STARD13: variants seen among roughly 807,000 people sequenced by gnomAD.
STARD13 encodes StAR related lipid transfer domain containing 13, also known as stAR-related lipid transfer protein 13.
Under a neutral mutation model 106.4 loss-of-function variants are expected in STARD13, and 62 were observed. The ratio of observed to expected loss-of-function variants is 0.58; its 90% CI spans 0.48 to 0.72. The LOEUF is 0.72. Ranked by LOEUF, STARD13 falls within the 30% of genes least tolerant of loss-of-function variation. The pLI, the probability that STARD13 is intolerant of heterozygous loss-of-function variation, is 0.00. For synonymous variants in STARD13, 565 were observed against 553.0 expected (o/e 1.02, Z -0.31); for missense variants, 1,387 against 1,424.0 (o/e 0.97, Z 0.42).
rs1015229332 is a variant in STARD13, at chr13:33,262,713, G to A, written c.169+22757C>T. On this transcript the variant is annotated intron_variant, in intron 1 of 13. Coordinates refer to ENST00000336934, the MANE Select transcript of STARD13 (RefSeq NM_178006.4). Reference sequence around the variant, plus strand: ...CACCCTGTACTCTAGTTTTTCAGTTGTTATTTACAAGTCTCGATCTGGGAG... The same window carrying A: ...CACCCTGTACTCTAGTTTTTCAGTTATTATTTACAAGTCTCGATCTGGGAG... 4.9e-5 allele frequency among the ~76,000 whole-genome samples: 7 copies of A among 142,030 alleles called. No homozygotes were observed. The Admixed American group carries it at 5.3e-4, about 11-fold the overall frequency. 93.2% of individuals were successfully genotyped at this position (142,030 alleles called of 152,430 possible).
the STARD13 span, among the ~76,000 whole-genome samples, chr13:33,430,847 T>G: frequency 6.6e-6 from 1 of 152,128 alleles, no homozygotes; most frequent in Non-Finnish European, 1.5e-5. Context: ...TTCTCACTCA[T>G]GTGGGAGCTA....
At chr13:33,586,818 G>C in the STARD13 span, among the ~76,000 whole-genome samples, 2 of 152,100 alleles carry the variant, frequency 1.3e-5, no homozygotes, top group Admixed American at 1.3e-4. Flanking sequence ...ATCCTAACTT[G>C]GGTGAACCTA....
the STARD13 span, among the ~76,000 whole-genome samples, chr13:33,590,870 A>AT: frequency 1.3e-5 from 2 of 152,172 alleles, no homozygotes; most frequent in Non-Finnish European, 2.9e-5. Flanking sequence ...CAAAAAAATA[A>AT]TTTAAGTTTT....
the STARD13 span, among the ~76,000 whole-genome samples, chr13:33,534,337 G>A: frequency 2.0e-5 from 3 of 152,130 alleles, no homozygotes; most frequent in African/African-American, 7.2e-5. Flanking sequence ...TGAACTAACT[G>A]GATGATGCAT....
chr13:33,468,566 T>A, the STARD13 span, among the ~76,000 whole-genome samples: 2 of 152,012 alleles, frequency 1.3e-5, no homozygotes, highest in Non-Finnish European at 2.9e-5. Context: ...TTCAGCCATC[T>A]TTGCCCACCC....
At chr13:33,606,552 C>T in the STARD13 span, among the ~76,000 whole-genome samples, 1 of 152,010 alleles carries the variant, frequency 6.6e-6, no homozygotes, top group Non-Finnish European at 1.5e-5. Context: ...AAATTTTTTT[C>T]AGTATGGGCA....
intron 1 of STARD13, among the ~76,000 whole-genome samples, chr13:33,181,651 T>C (rs747683668): frequency 2.0e-5 from 3 of 152,252 alleles, no homozygotes; most frequent in Non-Finnish European, 4.4e-5. Flanking sequence ...AAGCTCCATA[T>C]GAAAATAAGG....
chr13:33,502,791 T>C, the STARD13 span, among the ~76,000 whole-genome samples: 1 of 152,222 alleles, frequency 6.6e-6, no homozygotes, highest in Admixed American at 6.5e-5. Context: ...TTTGCCAGTA[T>C]TTTATTGAGG....
intron 3 of STARD13, among the ~76,000 whole-genome samples, chr13:33,161,717 T>C (rs901470614): frequency 6.6e-6 from 1 of 152,156 alleles, no homozygotes; most frequent in Non-Finnish European, 1.5e-5. Flanking sequence ...TTTATATATA[T>C]ATGTATTAGT....
upstream of STARD13, chr13:33,355,573 G>T (rs556905087): frequency 2.6e-5 from 4 of 152,106 alleles, no homozygotes; most frequent in African/African-American, 9.7e-5. Context: ...AAGAGCTCTC[G>T]CAACTCTCTC....
intron 1 of STARD13, among the ~76,000 whole-genome samples, chr13:33,249,980 C>G (rs927497926): frequency 1.3e-5 from 2 of 151,954 alleles, no homozygotes; most frequent in Non-Finnish European, 2.9e-5. Flanking sequence ...TTGTAGAGAT[C>G]AGGTCTCACT....
chr13:33,591,956 G>C, the STARD13 span, among the ~76,000 whole-genome samples: 2 of 152,052 alleles, frequency 1.3e-5, no homozygotes, highest in Non-Finnish European at 2.9e-5. Context: ...TTCATATTAT[G>C]CATTACCTGT....
chr13:33,588,196 C>A, the STARD13 span, among the ~76,000 whole-genome samples: 7 of 152,160 alleles, frequency 4.6e-5, no homozygotes, highest in African/African-American at 1.7e-4. Context: ...AAGACTATAT[C>A]TTATTCCTTC....
At chr13:33,636,552 T>G in the STARD13 span, among the ~76,000 whole-genome samples, 1 of 152,146 alleles carries the variant, frequency 6.6e-6, no homozygotes, top group Non-Finnish European at 1.5e-5. Context: ...TTCAAGAAAC[T>G]GAAATTCTAA....
At chr13:33,581,104 G>A in the STARD13 span, among the ~76,000 whole-genome samples, 1 of 152,036 alleles carries the variant, frequency 6.6e-6, no homozygotes, top group Non-Finnish European at 1.5e-5. Context: ...TTTGAAATTA[G>A]CCTTTTTCTC....
the STARD13 span, among the ~76,000 whole-genome samples, chr13:33,483,375 G>T: frequency 6.6e-6 from 1 of 152,126 alleles, no homozygotes; most frequent in Admixed American, 6.5e-5. Context: ...ATTCTAATTT[G>T]AAAATAATTG....
Position 33,266,466 on chromosome 13 carries a change from T to C in STARD13, c.169+19004A>G, listed in dbSNP as rs139537926. On this transcript the variant is annotated intron_variant, in intron 1 of 13. Transcript: ENST00000336934. ...CAGGAGCTCCCTATTACCTATCAAA[T>C]AAATTTCAAACTCACTGCAGTCTGG... Among the ~76,000 whole-genome samples the C allele has an allele frequency of 2.7e-4, 41 of 152,344 alleles. No homozygotes were observed. In the South Asian group the frequency reaches 6.0e-3, roughly 22 times the overall value.
chr13:33,351,846 T>C (rs550179349), upstream of STARD13, among the ~76,000 whole-genome samples: 6 of 152,348 alleles, frequency 3.9e-5, no homozygotes, highest in Non-Finnish European at 5.9e-5. Context: ...AAATTGCTAC[T>C]GACTTAGGGA....
At chr13:33,162,348 C>T (rs1882731540) in intron 3 of STARD13, among the ~76,000 whole-genome samples, 1 of 152,214 alleles carries the variant, frequency 6.6e-6, no homozygotes, top group African/African-American at 2.4e-5. Context: ...CTGTGAAGAC[C>T]TATGACATGT....
Sources: allele counts gnomAD v4.1 joint callset (sites outside exome capture counted in the v4.1 genomes callset), GRCh38; gene constraint gnomAD v4.1.1; transcripts MANE v1.5; gene names NCBI Gene and HGNC (gene_info 2026-07-23, HGNC 2026-07-21).